JCAD: variants seen among roughly 807,000 people sequenced by gnomAD.
The protein encoded by JCAD is junctional cadherin 5 associated.
A neutral mutation model predicts 98.0 loss-of-function variants in JCAD; 40 were observed. That is an observed-to-expected ratio of 0.41 (90% CI 0.32 to 0.53). The LOEUF is 0.53. Ranked by LOEUF, JCAD falls within the 20% of genes least tolerant of loss-of-function variation. The pLI, the probability that JCAD is intolerant of heterozygous loss-of-function variation, is 0.31. For synonymous variants in JCAD, 691 were observed against 682.3 expected, an observed-to-expected ratio of 1.01 and a Z score of -0.20; for missense variants, 1,705 against 1,738.1, an observed-to-expected ratio of 0.98 and a Z score of 0.34.
chr10:30,114,317 C>T (rs1209069073), intron 1 of JCAD, among the ~76,000 whole-genome samples: 1 of 152,160 alleles, frequency 6.6e-6, no homozygotes, highest in African/African-American at 2.4e-5. Flanking sequence ...AAACTGTCTT[C>T]CCCCAACCCT....
intron 1 of JCAD, among the ~76,000 whole-genome samples, chr10:30,050,823 G>C (rs1837452757): frequency 6.6e-6 from 1 of 152,160 alleles, no homozygotes; most frequent in Admixed American, 6.5e-5. Context: ...TATAAACCCA[G>C]GATTGCAGCA....
intron 2 of JCAD, among the ~76,000 whole-genome samples, chr10:30,066,349 C>T (rs1158359271): frequency 6.6e-6 from 1 of 152,162 alleles, no homozygotes; most frequent in Non-Finnish European, 1.5e-5. Flanking sequence ...TGTTTGCTCT[C>T]CTCGTGTCAG....
intron 1 of JCAD, among the ~76,000 whole-genome samples, chr10:30,093,935 A>G (rs1450099397): frequency 6.6e-6 from 1 of 152,190 alleles, no homozygotes; most frequent in Middle Eastern, 3.2e-3. Flanking sequence ...CCTCTCCTGA[A>G]AGCTTGCATA....
At chr10:30,054,972 A>G (rs1837540132) in intron 1 of JCAD, among the ~76,000 whole-genome samples, 1 of 152,228 alleles carries the variant, frequency 6.6e-6, no homozygotes, top group East Asian at 1.9e-4. Context: ...CCCGGCCGAA[A>G]ATGCATCTTT....
chr10:30,036,840 G>A (rs766708318), intron 2 of JCAD, among the ~76,000 whole-genome samples: 4 of 152,218 alleles, frequency 2.6e-5, no homozygotes, highest in Non-Finnish European at 5.9e-5. Flanking sequence ...TTTATCCAGC[G>A]ATCCCTTCCT....
intron 2 of JCAD, among the ~76,000 whole-genome samples, chr10:30,068,138 T>G (rs1328647311): frequency 6.6e-6 from 1 of 152,010 alleles, no homozygotes; most frequent in South Asian, 2.1e-4. Flanking sequence ...CCTGTGATCG[T>G]AGCACTTCGG....
At chr10:30,105,581 C>T (rs1838561271) in intron 1 of JCAD, among the ~76,000 whole-genome samples, 1 of 152,128 alleles carries the variant, frequency 6.6e-6, no homozygotes, top group Admixed American at 6.5e-5. Context: ...GCCTCGGCCT[C>T]CCAAAGTGCT....
intron 2 of JCAD, among the ~76,000 whole-genome samples, chr10:30,032,224 T>C (rs1259979328): frequency 6.6e-6 from 1 of 152,202 alleles, no homozygotes; most frequent in Non-Finnish European, 1.5e-5. Flanking sequence ...TGTTCACTAC[T>C]GGGCCACACA....
At chr10:30,041,834 C>G (rs1225892983) in intron 2 of JCAD, among the ~76,000 whole-genome samples, 1 of 152,184 alleles carries the variant, frequency 6.6e-6, no homozygotes, top group Non-Finnish European at 1.5e-5. Flanking sequence ...TTAAGGAAAC[C>G]CTGAGTGCCT....
chr10:30,115,072 C>G (rs757767900), intron 1 of JCAD, among the ~76,000 whole-genome samples: 1 of 152,164 alleles, frequency 6.6e-6, no homozygotes, highest in Non-Finnish European at 1.5e-5. Flanking sequence ...TAAGACCAAC[C>G]GACTGTTTTC....
intron 1 of JCAD, among the ~76,000 whole-genome samples, chr10:30,049,841 GCA>G (rs1837432477): frequency 6.6e-6 from 1 of 152,174 alleles, no homozygotes; most frequent in Non-Finnish European, 1.5e-5. Flanking sequence ...TTTATCCCCA[GCA>G]ACTTGCACAC....
intron 1 of JCAD, among the ~76,000 whole-genome samples, chr10:30,109,644 TC>T (rs1330282839): frequency 6.6e-6 from 1 of 152,166 alleles, no homozygotes; most frequent in Non-Finnish European, 1.5e-5. Context: ...CCAGCCTCCA[TC>T]CCCACAATCC....
upstream of JCAD, among the ~76,000 whole-genome samples, chr10:30,064,131 T>A (rs1239964014): frequency 6.6e-6 from 1 of 152,150 alleles, no homozygotes; most frequent in Non-Finnish European, 1.5e-5. Context: ...TAAGAGATCA[T>A]TGGATCCTGA....
At chr10:30,090,665 C>T (rs1220091904) in intron 1 of JCAD, among the ~76,000 whole-genome samples, 1 of 152,106 alleles carries the variant, frequency 6.6e-6, no homozygotes, top group African/African-American at 2.4e-5. Context: ...AGTCAAAAGT[C>T]CTATCAGACC....
chr10:30,097,476 G>A (rs1014943046), intron 1 of JCAD, among the ~76,000 whole-genome samples: 3 of 152,288 alleles, frequency 2.0e-5, no homozygotes, highest in South Asian at 2.1e-4. Flanking sequence ...AGGGCCTGGT[G>A]CAGTGGCTCA....
At chr10:30,039,555 T>C (rs74132236) in intron 2 of JCAD, among the ~76,000 whole-genome samples, 16,759 of 152,182 alleles carry the variant, frequency 0.11, 2,452 homozygotes, top group African/African-American at 0.33. Context: ...AGAAAAGGTA[T>C]AGATGGAGAA....
chr10:30,110,390 T>G (rs959075211), intron 1 of JCAD, among the ~76,000 whole-genome samples: 1 of 152,062 alleles, frequency 6.6e-6, no homozygotes, highest in African/African-American at 2.4e-5. Context: ...CCAGCTGATG[T>G]GTGGACCAGC....
chr10:30,020,934 G>A (rs138667558), intron 3 of JCAD, among the ~76,000 whole-genome samples: 1 of 152,232 alleles, frequency 6.6e-6, no homozygotes, highest in East Asian at 1.9e-4. Flanking sequence ...CATAACACTA[G>A]GCATGGAACA....
At chr10:30,100,248 A>AGGGTTGATAG (rs1198100686) in intron 1 of JCAD, among the ~76,000 whole-genome samples, 1 of 152,212 alleles carries the variant, frequency 6.6e-6, no homozygotes, top group Non-Finnish European at 1.5e-5. Context: ...TTTATAACAT[A>AGGGTTGATAG]GAGAAGGGTT....
Sources: allele counts gnomAD v4.1 joint callset (sites outside exome capture counted in the v4.1 genomes callset), GRCh38; gene constraint gnomAD v4.1.1; transcripts MANE v1.5; gene names NCBI Gene and HGNC (gene_info 2026-07-23, HGNC 2026-07-21).